CNTNAP4: variants seen among roughly 807,000 people sequenced by gnomAD.
CNTNAP4 encodes the protein contactin-associated protein-like 4.
A neutral mutation model predicts 148.4 loss-of-function variants in CNTNAP4; 98 were observed. The observed-to-expected ratio is 0.66, with a 90% CI of 0.56 to 0.78. CNTNAP4 has a LOEUF of 0.78. Among genes scored for constraint, CNTNAP4 ranks in the 30% least tolerant of loss-of-function variants. CNTNAP4 has a pLI of 0.00. For synonymous variants in CNTNAP4, 730 were observed against 565.1 expected (o/e 1.29, Z -4.14); for missense variants, 1,935 against 1,565.6 (o/e 1.24, Z -3.98).
chr16:76,392,229 A>G (rs370115428), intron 3 of CNTNAP4, among the ~76,000 whole-genome samples: 1 of 152,162 alleles, frequency 6.6e-6, no homozygotes, highest in East Asian at 1.9e-4. Flanking sequence ...CCTGACCTCA[A>G]GTGATCTGCC....
intron 3 of CNTNAP4, among the ~76,000 whole-genome samples, chr16:76,397,186 C>A (rs1034803774): frequency 1.3e-5 from 2 of 151,780 alleles, no homozygotes; most frequent in African/African-American, 4.8e-5. Context: ...GATACCTGAA[C>A]CAAGAGTCCA....
intron 13 of CNTNAP4, among the ~76,000 whole-genome samples, chr16:76,491,493 G>A (rs2082219607): frequency 6.6e-6 from 1 of 152,210 alleles, no homozygotes; most frequent in Non-Finnish European, 1.5e-5. Context: ...CGTACAAAGT[G>A]CATGGCATGA....
At chr16:76,465,914 T>A (rs902709060) in intron 9 of CNTNAP4, among the ~76,000 whole-genome samples, 1 of 152,208 alleles carries the variant, frequency 6.6e-6, no homozygotes, top group African/African-American at 2.4e-5. Context: ...AAATGTATTT[T>A]GTCAGCAAAA....
Position 76,374,742 on chromosome 16 carries a change from CTATTATTAT to C in CNTNAP4, c.390+19266_390+19274del, listed in dbSNP as rs34594219. On this transcript the variant is annotated intron_variant, in intron 3 of 23. Transcript: ENST00000611870. The stretch of plus-strand genomic sequence containing the variant: ...ATAAAGTATATACTTGACTATGACA[CTATTATTAT>C]TATTATTATTATTATTATTATTATT... Among the ~76,000 whole-genome samples, 627 of 131,614 alleles carry C rather than the reference CTATTATTAT, an allele frequency of 4.8e-3. 4 individuals carry two copies. The highest frequency in any genetic ancestry group is 0.015 in the African/African-American group (574 of 37,060). 86.3% of individuals were successfully genotyped at this position (131,614 alleles called of 152,430 possible).
intron 2 of CNTNAP4, among the ~76,000 whole-genome samples, chr16:76,333,374 G>C (rs931338083): frequency 3.9e-5 from 6 of 152,170 alleles, no homozygotes; most frequent in African/African-American, 1.4e-4. Context: ...TGCTGTTGAA[G>C]TCCTCTAGTG....
chr16:76,459,996 A>G (rs1202887136), intron 8 of CNTNAP4, among the ~76,000 whole-genome samples: 8 of 152,252 alleles, frequency 5.3e-5, no homozygotes, highest in Admixed American at 1.3e-4. Context: ...TTGACTTTAT[A>G]CATGTCTACA....
intron 2 of CNTNAP4, among the ~76,000 whole-genome samples, chr16:76,317,082 A>G (rs923566165): frequency 6.7e-6 from 1 of 149,986 alleles, no homozygotes; most frequent in Non-Finnish European, 1.5e-5. Context: ...CCTGGGCAAC[A>G]CAGCAAGACC....
chr16:76,423,256 T>C (rs2079256807), intron 3 of CNTNAP4, among the ~76,000 whole-genome samples: 1 of 152,074 alleles, frequency 6.6e-6, no homozygotes, highest in Admixed American at 6.6e-5. Context: ...TGAGATAATA[T>C]AGGGAACATA....
intron 2 of CNTNAP4, among the ~76,000 whole-genome samples, chr16:76,318,172 C>G (rs1167402061): frequency 6.6e-6 from 1 of 152,164 alleles, no homozygotes; most frequent in Non-Finnish European, 1.5e-5. Context: ...GGTCTCCATT[C>G]TGTGCTTCTT....
chr16:76,382,870 G>A (rs1214771219), intron 3 of CNTNAP4, among the ~76,000 whole-genome samples: 1 of 152,102 alleles, frequency 6.6e-6, no homozygotes, highest in Non-Finnish European at 1.5e-5. Flanking sequence ...CAAGTATGTT[G>A]TCAAAGACTA....
chr16:76,287,146 G>C (rs951389301), intron 1 of CNTNAP4, among the ~76,000 whole-genome samples: 2 of 152,148 alleles, frequency 1.3e-5, no homozygotes, highest in Non-Finnish European at 2.9e-5. Context: ...GCAATAATTT[G>C]AGGAAAGAAC....
At chr16:76,455,107 T>C (rs1189284829) in intron 8 of CNTNAP4, among the ~76,000 whole-genome samples, 3 of 152,202 alleles carry the variant, frequency 2.0e-5, no homozygotes, top group Non-Finnish European at 4.4e-5. Flanking sequence ...TATATTAGTA[T>C]AAATCATGAA....
intron 21 of CNTNAP4, among the ~76,000 whole-genome samples, chr16:76,545,001 G>A (rs1279597926): frequency 1.3e-5 from 2 of 152,130 alleles, no homozygotes; most frequent in East Asian, 3.9e-4. Flanking sequence ...TCAGAGGTGA[G>A]ACAAAAGGTG....
At chr16:76,465,845 A>T (rs2081159927) in intron 9 of CNTNAP4, among the ~76,000 whole-genome samples, 1 of 152,228 alleles carries the variant, frequency 6.6e-6, no homozygotes, top group Non-Finnish European at 1.5e-5. Context: ...TTAAAATAAA[A>T]TGTTTCGGTG....
At chr16:76,494,722 T>C (rs935538151) in intron 13 of CNTNAP4, among the ~76,000 whole-genome samples, 188 bp from the exon 14 acceptor site, 9 of 152,296 alleles carry the variant, frequency 5.9e-5, no homozygotes, top group Middle Eastern at 3.4e-3. Context: ...ATAATAACTT[T>C]TTTATAAAAA....
chr16:76,383,689 A>T (rs2016227585), intron 3 of CNTNAP4, among the ~76,000 whole-genome samples: 1 of 152,218 alleles, frequency 6.6e-6, no homozygotes, highest in African/African-American at 2.4e-5. Context: ...TTTAGATGTG[A>T]CAATTGTGTT....
chr16:76,515,598 C>T (rs1310245769), intron 15 of CNTNAP4, among the ~76,000 whole-genome samples: 6 of 152,166 alleles, frequency 3.9e-5, no homozygotes, highest in Admixed American at 2.0e-4. Context: ...GTTTTTTAAG[C>T]CACCTGACCT....
intron 3 of CNTNAP4, among the ~76,000 whole-genome samples, chr16:76,383,621 A>G (rs1420112188): frequency 6.6e-6 from 1 of 152,224 alleles, no homozygotes; most frequent in Non-Finnish European, 1.5e-5. Context: ...ATGCACATAT[A>G]CTTTTAAGAG....
chr16:76,291,877 A>G (rs1184330894), intron 1 of CNTNAP4, among the ~76,000 whole-genome samples: 1 of 152,240 alleles, frequency 6.6e-6, no homozygotes, highest in Non-Finnish European at 1.5e-5. Context: ...TTAGCACAGC[A>G]TCTGTTCATG....
Sources: allele counts gnomAD v4.1 joint callset (sites outside exome capture counted in the v4.1 genomes callset), GRCh38; gene constraint gnomAD v4.1.1; transcripts MANE v1.5; gene names NCBI Gene and HGNC (gene_info 2026-07-23, HGNC 2026-07-21).